MCPH1: variants seen among roughly 807,000 people sequenced by gnomAD.
The protein encoded by MCPH1 is microcephalin 1.
In MCPH1, 104 loss-of-function variants were observed where a neutral mutation model predicts 84.5. The ratio of observed to expected loss-of-function variants is 1.23; its 90% confidence interval spans 1.05 to 1.45. The LOEUF is 1.45. Ranked by LOEUF, MCPH1 falls within the 40% of genes most tolerant of loss-of-function variation. MCPH1 has a pLI of 0.00. For synonymous variants in MCPH1, 514 were observed against 366.8 expected, an observed-to-expected ratio of 1.40 and a Z score of -4.58; for missense variants, 1,498 against 1,005.7, an observed-to-expected ratio of 1.49 and a Z score of -6.62.
chr8:6,596,219 C>T (rs138614145), intron 12 of MCPH1, among the ~76,000 whole-genome samples: 2 of 152,154 alleles, frequency 1.3e-5, no homozygotes, highest in Non-Finnish European at 2.9e-5. Context: ...CTGCCACGAA[C>T]TGGCACTGTG....
At chr8:6,480,307 G>A (rs1183889305) in intron 10 of MCPH1, among the ~76,000 whole-genome samples, 1 of 152,014 alleles carries the variant, frequency 6.6e-6, no homozygotes, top group African/African-American at 2.4e-5. Context: ...GTAGTTTTTA[G>A]TAGAGACGGG....
chr8:6,444,599 A>G lies in MCPH1; in HGVS notation c.877A>G (p.Ser293Gly), dbSNP rs770475132. The G allele has an allele frequency of 1.3e-5, 21 of 1,614,104 alleles. No individual in the cohort carries two copies. In the East Asian group the frequency reaches 4.2e-4, roughly 33 times the overall value. The change falls in exon 8 of 14, where the codon AGT (serine) becomes GGT (glycine). Residue 293 changes from serine to glycine, a missense_variant. Physicochemically the swap from Ser to Gly is moderately conservative, Grantham distance 56 (BLOSUM62 0). Coordinates refer to ENST00000344683, the MANE Select transcript of MCPH1 (RefSeq NM_024596.5). ...TAAATCAAGTCCTCAGAAATTTCTG[A>G]GTAATCTTTCAAAGGAAGAAATAAA... ...LDKSSPQKFL[S>G]NLSKEEINLQ...
At position 6,471,624 on chromosome 8, in the gene MCPH1, C is replaced by T. The variant is rs117667932; in HGVS notation, c.1936-5970C>T. Among the ~76,000 whole-genome samples the T allele has an allele frequency of 9.4e-3, 1,435 of 152,308 alleles. 11 individuals are homozygous for T. Among genetic ancestry groups the T allele is most frequent in the Non-Finnish European group, 0.016 (1,107 of 68,024 alleles). ...CCGCAGTCCTCCTTCAGTAGTTCAT[C>T]TGGGCCTAGTCATTAATTTTTGTTC... On this transcript the variant is annotated intron_variant, in intron 9 of 13. Coordinates refer to ENST00000344683, the MANE Select transcript of MCPH1 (RefSeq NM_024596.5).
chr8:6,540,413 T>A (rs1001495866), intron 12 of MCPH1, among the ~76,000 whole-genome samples: 3 of 152,230 alleles, frequency 2.0e-5, no homozygotes, highest in Admixed American at 6.5e-5. Flanking sequence ...TAAATTTCTT[T>A]GGGCATTTCA....
At chr8:6,468,737 A>T (rs932943368) in intron 9 of MCPH1, among the ~76,000 whole-genome samples, 5 of 151,050 alleles carry the variant, frequency 3.3e-5, no homozygotes, top group African/African-American at 1.2e-4. Flanking sequence ...ATGGATCACT[A>T]TTATTGTATT....
intron 3 of MCPH1, among the ~76,000 whole-genome samples, chr8:6,428,325 T>G (rs985118079): frequency 2.6e-4 from 39 of 152,296 alleles, no homozygotes; most frequent in African/African-American, 9.4e-4. Context: ...GGAACATCAG[T>G]ATGTCGCTAG....
intron 1 of MCPH1, among the ~76,000 whole-genome samples, chr8:6,408,541 A>G (rs1585546500): frequency 6.6e-6 from 1 of 150,454 alleles, no homozygotes; most frequent in African/African-American, 2.5e-5. Flanking sequence ...AACTTCATTT[A>G]CTTTTCTTAT....
intron 12 of MCPH1, among the ~76,000 whole-genome samples, chr8:6,516,371 C>G (rs1017818731): frequency 2.6e-5 from 4 of 152,070 alleles, no homozygotes; most frequent in Non-Finnish European, 4.4e-5. Flanking sequence ...TAGCAAAGTT[C>G]GATTTTGATC....
intron 12 of MCPH1, among the ~76,000 whole-genome samples, chr8:6,602,153 A>C (rs1829420755): frequency 6.6e-6 from 1 of 152,218 alleles, no homozygotes; most frequent in Non-Finnish European, 1.5e-5. Context: ...AGCCAAGCTC[A>C]GGAAAACCAG....
chr8:6,547,492 T>C (rs1296274016), intron 12 of MCPH1, among the ~76,000 whole-genome samples: 2 of 152,200 alleles, frequency 1.3e-5, no homozygotes, highest in East Asian at 3.9e-4. Context: ...GCTTGAATTT[T>C]TACTCAACAA....
intron 12 of MCPH1, among the ~76,000 whole-genome samples, chr8:6,606,219 T>G (rs1195165650): frequency 6.6e-6 from 1 of 152,228 alleles, no homozygotes; most frequent in Non-Finnish European, 1.5e-5. Context: ...GCAACACAAA[T>G]TACTGAAGCC....
chr8:6,422,404 T>G (rs1256910517), intron 3 of MCPH1, among the ~76,000 whole-genome samples: 2 of 152,214 alleles, frequency 1.3e-5, no homozygotes, highest in Non-Finnish European at 2.9e-5. Flanking sequence ...AACAGAGACC[T>G]TTACTAGAAG....
Position 6,444,563 on chromosome 8 carries a change from A to T in MCPH1, c.841A>T (p.Thr281Ser), listed in dbSNP as rs1803984691. 1 of 1,613,920 alleles carries T rather than the reference A, an allele frequency of 6.2e-7. No individual in the cohort carries two copies. Among genetic ancestry groups the T allele is most frequent in the Admixed American group, 1.7e-5 (1 of 59,998 alleles). ...ANNIHSSPSFTHLDKSSPQKF... is the reference protein window; with the variant it reads ...ANNIHSSPSFSHLDKSSPQKF... ...TAATATTCATTCATCACCATCTTTC[A>T]CTCACCTCGATAAATCAAGTCCTCA... The change falls in exon 8 of 14, where the codon ACT (threonine) becomes TCT (serine). Residue 281 changes from threonine (T) to serine (S), a missense_variant. Thr to Ser is a moderately conservative substitution (Grantham distance 58, BLOSUM62 1). Coordinates refer to ENST00000344683, the MANE Select transcript of MCPH1 (RefSeq NM_024596.5).
Position 6,626,469 on chromosome 8 carries a change from G to GT in MCPH1, c.2452+4782dup, listed in dbSNP as rs1181554445. 8.9e-5 allele frequency: 74 copies of GT among 827,268 alleles called. No individual in the cohort carries two copies. In the Admixed American group the frequency reaches 1.0e-3, roughly 12 times the overall value. The allele number at this position is 827,268 out of a possible 1,614,324, so 51.2% of individuals were successfully genotyped here. A position where few individuals can be genotyped will look rare whatever the true frequency, so the allele number is the denominator to read the frequency against. On this transcript the variant is annotated intron_variant, in intron 13 of 13. Transcript: ENST00000344683. The stretch of plus-strand genomic sequence containing the variant: ...AATGGGGTTGTTGTTTGGTTTTTTT[G>GT]TTTTGTTTTTTTTTTTTTTTTTGCG...
intron 12 of MCPH1, among the ~76,000 whole-genome samples, chr8:6,576,845 C>T (rs994869892): frequency 4.6e-5 from 7 of 151,614 alleles, no homozygotes; most frequent in African/African-American, 1.2e-4. Flanking sequence ...GAGGCACAGG[C>T]GTCAGCCACA....
At chr8:6,413,247 A>G (rs140580421) in intron 2 of MCPH1, among the ~76,000 whole-genome samples, 2 of 98,204 alleles carry the variant, frequency 2.0e-5, no homozygotes, top group African/African-American at 7.5e-5. Flanking sequence ...ACTGCTGTTG[A>G]TAAGACTGAT....
intron 12 of MCPH1, among the ~76,000 whole-genome samples, chr8:6,506,107 TTGG>T (rs1348236414): frequency 6.6e-6 from 1 of 151,692 alleles, no homozygotes; most frequent in East Asian, 1.9e-4. Flanking sequence ...ACATTGTTTC[TTGG>T]TGGTAACAGC....
chr8:6,413,246 G>A (rs1798784738), intron 2 of MCPH1, among the ~76,000 whole-genome samples: 1 of 101,262 alleles, frequency 9.9e-6, no homozygotes, highest in South Asian at 4.3e-4. Context: ...GACTGCTGTT[G>A]ATAAGACTGA....
At chr8:6,458,444 C>T (rs908747097) in intron 9 of MCPH1, among the ~76,000 whole-genome samples, 1 of 148,668 alleles carries the variant, frequency 6.7e-6, no homozygotes, top group African/African-American at 2.5e-5. Flanking sequence ...TGCATTCCAG[C>T]CTGGGCAACA....
Sources: allele counts gnomAD v4.1 joint callset (sites outside exome capture counted in the v4.1 genomes callset), GRCh38; gene constraint gnomAD v4.1.1; transcripts MANE v1.5; gene names NCBI Gene and HGNC (gene_info 2026-07-23, HGNC 2026-07-21).